Variants in MYO16 observed in about 807,000 individuals in gnomAD.
MYO16 encodes the protein myosin XVI.
A neutral mutation model predicts 205.3 loss-of-function variants in MYO16; 94 were observed. The observed-to-expected ratio is 0.46, with a 90% CI of 0.39 to 0.54. The LOEUF (loss-of-function observed/expected upper bound fraction) is 0.54. Among genes scored for constraint, MYO16 ranks in the 20% least tolerant of loss-of-function variants. The pLI, the probability that MYO16 is intolerant of heterozygous loss-of-function variation, is 0.00. For synonymous variants in MYO16, 988 were observed against 954.0 expected (o/e 1.04, Z -0.66); for missense variants, 2,315 against 2,387.5 (o/e 0.97, Z 0.63).
chr13:108,506,618 T>C, the MYO16 span, among the ~76,000 whole-genome samples: 23 of 152,060 alleles, frequency 1.5e-4, no homozygotes, highest in South Asian at 6.2e-4. Context: ...CATACAGAAT[T>C]ACATGTTAAC....
chr13:108,994,547 A>T (rs536124065), intron 21 of MYO16, among the ~76,000 whole-genome samples: 1 of 152,146 alleles, frequency 6.6e-6, no homozygotes, highest in Non-Finnish European at 1.5e-5. Context: ...CTGTGTTGCT[A>T]ACAGAAGCTG....
At position 108,969,878 on chromosome 13, in the gene MYO16, C is replaced by CA. The variant is rs1262878404; in HGVS notation, c.2369+4977dup. 2.6e-5 allele frequency among the ~76,000 whole-genome samples: 4 copies of CA among 152,138 alleles called. No individual in the cohort carries two copies. In the East Asian group the frequency reaches 5.8e-4, roughly 22 times the overall value. On this transcript the variant is annotated intron_variant, in intron 20 of 34. Coordinates refer to ENST00000457511, the MANE Select transcript of MYO16 (RefSeq NM_001198950.3). Reference sequence around the variant, plus strand: ...CATCTTAAGAACACACCTTGTGAGACAGAGAGGATTTGGTGTAGAATTTTC... The same window carrying CA: ...CATCTTAAGAACACACCTTGTGAGACAAGAGAGGATTTGGTGTAGAATTTTC...
At chr13:109,173,887 CAAAAAAAAAAAAAAAA>C (rs778094207) in intron 33 of MYO16, among the ~76,000 whole-genome samples, 2 of 29,108 alleles carry the variant, frequency 6.9e-5, no homozygotes, top group African/African-American at 1.4e-4. Context: ...GACTCCATCT[CAAAAAAAAAAAAAAAA>C]AAAAAAAAAA....
At chr13:108,855,936 G>A (rs1004783303) in intron 11 of MYO16, among the ~76,000 whole-genome samples, 9 of 152,214 alleles carry the variant, frequency 5.9e-5, no homozygotes, top group Non-Finnish European at 2.9e-5. Flanking sequence ...AAGCGAAAGA[G>A]CATACATTGA....
chr13:108,583,387 G>C, the MYO16 span, among the ~76,000 whole-genome samples: 1 of 152,184 alleles, frequency 6.6e-6, no homozygotes. Flanking sequence ...AAGGGTGCTA[G>C]AAGAGACTTT....
At chr13:108,609,737 C>T (rs946705623) in intron 1 of MYO16, among the ~76,000 whole-genome samples, 6 of 151,860 alleles carry the variant, frequency 4.0e-5, no homozygotes, top group Non-Finnish European at 7.4e-5. Context: ...GAACTGAATC[C>T]GACACTAATC....
chr13:108,844,288 G>A (rs17393735), intron 9 of MYO16, 55 bp from the exon 10 acceptor site: 38,143 of 1,468,120 alleles, frequency 0.026, 1,065 homozygotes, highest in East Asian at 0.13. Context: ...GGTAATTTTC[G>A]ATTGATAAAA....
intron 12 of MYO16, among the ~76,000 whole-genome samples, chr13:108,867,167 G>C (rs1297621642): frequency 6.6e-6 from 1 of 151,562 alleles, no homozygotes; most frequent in Non-Finnish European, 1.5e-5. Context: ...AACATAATGA[G>C]AGACCCATCT....
intron 16 of MYO16, among the ~76,000 whole-genome samples, chr13:108,954,910 G>C (rs546563516): frequency 6.6e-6 from 1 of 152,202 alleles, no homozygotes; most frequent in South Asian, 2.1e-4. Flanking sequence ...CATTTGAGGA[G>C]CCCTAGAAGA....
At chr13:109,009,890 A>G (rs9587738) in intron 22 of MYO16, among the ~76,000 whole-genome samples, 2,588 of 152,278 alleles carry the variant, frequency 0.017, 79 homozygotes, top group African/African-American at 0.059. Flanking sequence ...GACATACATA[A>G]CCTATAATTA....
intron 23 of MYO16, among the ~76,000 whole-genome samples, chr13:109,044,977 C>T (rs985046535): frequency 4.6e-5 from 7 of 152,130 alleles, no homozygotes; most frequent in Admixed American, 2.6e-4. Context: ...CGTGAGCCAC[C>T]GCACTCGGCC....
chr13:108,635,219 T>C (rs956275783), intron 1 of MYO16, among the ~76,000 whole-genome samples: 1 of 152,116 alleles, frequency 6.6e-6, no homozygotes, highest in Non-Finnish European at 1.5e-5. Context: ...CAACCAGCAA[T>C]CAAAGGACTC....
intron 11 of MYO16, among the ~76,000 whole-genome samples, chr13:108,861,347 T>C (rs973642618): frequency 6.6e-6 from 1 of 152,224 alleles, no homozygotes; most frequent in South Asian, 2.1e-4. Flanking sequence ...CTGTTGCTTG[T>C]AAAAGCATTT....
At chr13:108,980,171 G>A (rs1168164642) in intron 20 of MYO16, among the ~76,000 whole-genome samples, 1 of 152,006 alleles carries the variant, frequency 6.6e-6, no homozygotes, top group African/African-American at 2.4e-5. Flanking sequence ...AATATTGAGA[G>A]CCACATAGTT....
chr13:109,023,904 CAT>C (rs1332492205), intron 23 of MYO16, among the ~76,000 whole-genome samples: 1 of 136,084 alleles, frequency 7.3e-6, no homozygotes, highest in African/African-American at 2.7e-5. Flanking sequence ...TTAATCAATA[CAT>C]ATATAAGTAT....
chr13:108,608,002 A>T (rs1879024562), intron 1 of MYO16, among the ~76,000 whole-genome samples: 1 of 152,226 alleles, frequency 6.6e-6, no homozygotes, highest in South Asian at 2.1e-4. Flanking sequence ...TTTTAAAAAT[A>T]GGCAGTGTAA....
chr13:108,761,154 G>A (rs1029375072), intron 4 of MYO16, among the ~76,000 whole-genome samples: 4 of 152,282 alleles, frequency 2.6e-5, no homozygotes, highest in African/African-American at 7.2e-5. Flanking sequence ...AGGGCTCCAA[G>A]CCAAGTGCAT....
Position 108,968,264 on chromosome 13 carries a change from C to G in MYO16, c.2369+3362C>G, listed in dbSNP as rs564429704. Among the ~76,000 whole-genome samples, 36 of 152,216 alleles carry G rather than the reference C, an allele frequency of 2.4e-4. No individual in the cohort carries two copies. In the South Asian group the frequency reaches 7.1e-3, roughly 30 times the overall value. On this transcript the variant is annotated intron_variant, in intron 20 of 34. Coordinates refer to ENST00000457511, the MANE Select transcript of MYO16 (RefSeq NM_001198950.3). ...TGGTCTTTCGATGAGGGGGGGATTA[C>G]TTAATAGCACCCATTTCCATCTCTG...
chr13:108,971,378 C>CAT (rs1884005983), intron 20 of MYO16, among the ~76,000 whole-genome samples: 1 of 136,264 alleles, frequency 7.3e-6, no homozygotes, highest in African/African-American at 2.7e-5. Context: ...TATATATACA[C>CAT]ATATAATCTA....
Sources: allele counts gnomAD v4.1 joint callset (sites outside exome capture counted in the v4.1 genomes callset), GRCh38; gene constraint gnomAD v4.1.1; transcripts MANE v1.5; gene names NCBI Gene and HGNC (gene_info 2026-07-23, HGNC 2026-07-21).